The following CCHCR1 variants were observed in gnomAD, a reference collection of about 807,000 sequenced individuals.
The protein encoded by CCHCR1 is coiled-coil alpha-helical rod protein 1.
A neutral mutation model predicts 114.6 loss-of-function variants in CCHCR1; 91 were observed. The ratio of observed to expected loss-of-function variants is 0.79; its 90% CI spans 0.67 to 0.94. The LOEUF is 0.94. CCHCR1 is among the 40% of genes least tolerant of loss of function. The pLI is 0.00. For synonymous variants in CCHCR1, 379 were observed against 428.5 expected (o/e 0.88, Z 1.43); for missense variants, 899 against 1,079.9 (o/e 0.83, Z 2.35).
chr6:31,142,890 A>G, intron 17 of CCHCR1, 73 bp downstream of exon 17: 1 of 1,537,626 alleles, frequency 6.5e-7, no homozygotes, highest in Non-Finnish European at 8.9e-7. Flanking sequence ...AACACTCATC[A>G]TGCGAGAGTC....
In CCHCR1 at chr6:31,154,590, C is replaced by T. The variant is rs777322758; in HGVS notation, c.707G>A (p.Arg236His). 1.1e-5 allele frequency: 18 copies of T among 1,612,928 alleles called. No individual in the cohort carries two copies. The African/African-American group carries it at 1.7e-4, about 16-fold the overall frequency. The change falls in exon 4 of 18, where the codon CGT (arginine) becomes CAT (histidine). Residue 236 changes from arginine to histidine, a missense_variant. By Grantham distance (29) the Arg-to-His change is conservative. Transcript: ENST00000396268. This position sits in a 1 kb window ranked among gnomAD's most constrained non-coding sequence, Gnocchi z 4.1. ...KAGRAEAEGLRAALAGAEVVR... is the reference protein window; with the variant it reads ...KAGRAEAEGLHAALAGAEVVR... ...AACCTCAGCCCCAGCCAAAGCAGCA[C>T]GCAGGCCCTCAGCCTCAGCTCGGCC...
intron 3 of CCHCR1, 135 bp downstream of exon 3, chr6:31,156,596 A>G (rs1020649784): frequency 1.5e-6 from 1 of 677,340 alleles, no homozygotes; most frequent in African/African-American, 1.8e-5. Flanking sequence ...TTATTTATGC[A>G]CTGTAGGAAC....
In CCHCR1 at chr6:31,144,625, T is replaced by A; in HGVS notation, c.2167+62A>T. On this transcript the variant is annotated intron_variant, in intron 15 of 17. Transcript: ENST00000396268. The surrounding 1 kb of genome is among the most constrained non-coding windows in gnomAD (Gnocchi z 4.6). ...TGAACACACTTTGAGGGGAAAATAA[T>A]AACCTTATGTCTTAACACTTCCTTC... 2.8e-6 allele frequency: 3 copies of A among 1,056,450 alleles called. No individual in the cohort carries two copies. The South Asian group carries it at 4.4e-5, about 15-fold the overall frequency. 65.4% of individuals were successfully genotyped at this position (1,056,450 alleles called of 1,614,324 possible). A position where few individuals can be genotyped will look rare whatever the true frequency, so the allele number is the denominator to read the frequency against.
rs891897668 is a variant in CCHCR1, at chr6:31,150,803, A to G, written c.1023T>C (p.Tyr341=). ...CCTCAGAAGGCACTTGTTCCCCAAC[A>G]TATTTTCTTAGATTCTCAACCAGGG... The part of the protein sequence containing the change: ...QVTLVENLRK[Y]VGEQVPSEVH... Residue 341 remains tyrosine (Y), a synonymous_variant, in exon 6 of 18, where the codon TAT becomes TAC. Coordinates refer to ENST00000396268, the MANE Select transcript of CCHCR1 (RefSeq NM_001105564.2). The surrounding 1 kb of genome is among the most constrained non-coding windows in gnomAD (Gnocchi z 5.3). 4 of 1,612,896 alleles carry G rather than the reference A, an allele frequency of 2.5e-6. No individual in the cohort carries two copies. Among genetic ancestry groups the G allele is most frequent in the Middle Eastern group, 1.6e-4 (1 of 6,084 alleles).
chr6:31,148,537 G>A, intron 9 of CCHCR1, 26 bp from the exon 10 acceptor site: 1 of 1,601,438 alleles, frequency 6.2e-7, no homozygotes, highest in South Asian at 1.1e-5. Flanking sequence ...CAAAGGACAG[G>A]GTCCCTCCCT....
chr6:31,143,260 A>G lies in CCHCR1; in HGVS notation c.2319+2T>C. The G allele has an allele frequency of 6.2e-7, 1 of 1,612,564 alleles. No individual in the cohort carries two copies. The highest frequency in any genetic ancestry group is 8.5e-7 in the Non-Finnish European group (1 of 1,179,980). ...CTGCCTGTCTGCCCTCCTGTCTCCTACCAGCATGAGGTTCTTATCCCTCTC... is the reference window on the plus strand; with the variant it reads ...CTGCCTGTCTGCCCTCCTGTCTCCTGCCAGCATGAGGTTCTTATCCCTCTC... On this transcript the variant is annotated splice_donor_variant, in intron 16 of 17. Transcript: ENST00000396268. LOFTEE classifies it high-confidence loss of function. The surrounding 1 kb of genome is among the most constrained non-coding windows in gnomAD (Gnocchi z 5.3).
Position 31,148,523 on chromosome 6 carries a change from G to T in CCHCR1, c.1474-12C>A. The T allele has an allele frequency of 6.2e-7, 1 of 1,607,072 alleles. No individual in the cohort carries two copies. The highest frequency in any genetic ancestry group is 8.5e-7 in the Non-Finnish European group (1 of 1,174,766). On this transcript the variant is annotated splice_polypyrimidine_tract_variant and intron_variant, in intron 9 of 17. Transcript: ENST00000396268. ...TCCAACTGCAGGCCCTGGGGAGGAT[G>T]CAGCAAAGGACAGGGTCCCTCCCTA...
rs374842942 is a variant in CCHCR1, at chr6:31,143,429, G to C, written c.2168-16C>G. The C allele has an allele frequency of 6.2e-7, 1 of 1,611,774 alleles. No homozygotes were observed. The stretch of plus-strand genomic sequence containing the variant: ...AAGGAGACCACTACAGAGAGGCCAA[G>C]GCACAGAGGAGGCAGGTGTGAGTCA... On this transcript the variant is annotated splice_polypyrimidine_tract_variant and intron_variant, in intron 15 of 17. Coordinates refer to ENST00000396268, the MANE Select transcript of CCHCR1 (RefSeq NM_001105564.2). This position sits in a 1 kb window ranked among gnomAD's most constrained non-coding sequence, Gnocchi z 5.3.
chr6:31,148,379 T>G, intron 10 of CCHCR1, 26 bp downstream of exon 10: 1 of 1,388,592 alleles, frequency 7.2e-7, no homozygotes, highest in Non-Finnish European at 1.0e-6. Context: ...GAAACACTAC[T>G]CCACCCACCC....
Position 31,154,458 on chromosome 6 carries a change from C to T in CCHCR1, c.801+38G>A. On this transcript the variant is annotated intron_variant, in intron 4 of 17. Coordinates refer to ENST00000396268, the MANE Select transcript of CCHCR1 (RefSeq NM_001105564.2). This position sits in a 1 kb window ranked among gnomAD's most constrained non-coding sequence, Gnocchi z 4.1. ...TGCTTGGAAGCTACTGCCCAGCTCT[C>T]CGTTATGAATTTGAATCCTTTCTAC... The T allele has an allele frequency of 1.3e-6, 2 of 1,545,522 alleles. No individual in the cohort carries two copies. Among genetic ancestry groups the T allele is most frequent in the Non-Finnish European group, 1.8e-6 (2 of 1,124,754 alleles).
rs749746654 is a variant in CCHCR1, at chr6:31,150,248, C to A, written c.1213-33G>T. ...AGAAGGAGTGGGAGAAAAGTGTGGG[C>A]TCCTGGGGGAGGAGAGGAAGGAGGT... On this transcript the variant is annotated intron_variant, in intron 7 of 17. Coordinates refer to ENST00000396268, the MANE Select transcript of CCHCR1 (RefSeq NM_001105564.2). The surrounding 1 kb of genome is among the most constrained non-coding windows in gnomAD (Gnocchi z 5.3). 14 of 1,610,240 alleles carry A rather than the reference C, an allele frequency of 8.7e-6. No individual in the cohort carries two copies. The highest frequency in any genetic ancestry group is 1.1e-5 in the Non-Finnish European group (13 of 1,177,336).
intron 10 of CCHCR1, among the ~76,000 whole-genome samples, chr6:31,147,702 C>T (rs1202617898): frequency 1.3e-5 from 2 of 152,144 alleles, no homozygotes; most frequent in Non-Finnish European, 2.9e-5. Context: ...TGCAGTGGCT[C>T]ACACCTATAA....
chr6:31,152,479 C>CA (rs1775392297), intron 4 of CCHCR1, among the ~76,000 whole-genome samples: 1 of 140,914 alleles, frequency 7.1e-6, no homozygotes, highest in African/African-American at 2.6e-5. Context: ...GCTGAGATTA[C>CA]AGGCATGAGC....
Position 31,148,449 on chromosome 6 carries a change from G to A in CCHCR1, c.1536C>T (p.Ala512=). ...CAAGCCTCAGCTGCTCCTCGGCTGA[G>A]GCTGTCTGCTGCTGCCACCGACGCC... ...EARRRWQQQT[A]SAEEQLRLVV... is the part of the protein sequence containing the mutation. Residue 512 remains alanine (A), a synonymous_variant, in exon 10 of 18, where the codon GCC becomes GCT. Transcript: ENST00000396268. 1 of 1,612,748 alleles carries A rather than the reference G, an allele frequency of 6.2e-7. No homozygotes were observed. Among genetic ancestry groups the A allele is most frequent in the Non-Finnish European group, 8.5e-7 (1 of 1,179,776 alleles).
In CCHCR1 at chr6:31,154,609, C is replaced by T. The variant is rs764170820; in HGVS notation, c.688G>A (p.Ala230Thr). ...ALARAEKAGR[A>T]EAEGLRAALA... ...GCAGCACGCAGGCCCTCAGCCTCAG[C>T]TCGGCCGGCCTTCTCCGCCCGTGCC... The change falls in exon 4 of 18, where the codon GCT becomes ACT. Residue 230 changes from alanine to threonine, a missense_variant. Coordinates refer to ENST00000396268, the MANE Select transcript of CCHCR1 (RefSeq NM_001105564.2). This position sits in a 1 kb window ranked among gnomAD's most constrained non-coding sequence, Gnocchi z 4.1. 9.9e-6 allele frequency: 16 copies of T among 1,613,042 alleles called. No individual in the cohort carries two copies. The highest frequency in any genetic ancestry group is 1.4e-5 in the Non-Finnish European group (16 of 1,180,046).
At position 31,150,365 on chromosome 6, in the gene CCHCR1, C is replaced by T. The variant is rs1775032267; in HGVS notation, c.1212+90G>A. 7.4e-7 allele frequency: 1 copy of T among 1,346,864 alleles called. No homozygotes were observed. The highest frequency in any genetic ancestry group is 1.3e-5 in the South Asian group (1 of 79,140). The allele number at this position is 1,346,864 out of a possible 1,614,324, so 83.4% of individuals were successfully genotyped here. ...GGAGATCTAAGCAGGTTCTGGGGCA[C>T]ATTGACCCCTCCTGCCCACAGGGAG... On this transcript the variant is annotated intron_variant, in intron 7 of 17. Coordinates refer to ENST00000396268, the MANE Select transcript of CCHCR1 (RefSeq NM_001105564.2). The surrounding 1 kb of genome is among the most constrained non-coding windows in gnomAD (Gnocchi z 5.3).
intron 4 of CCHCR1, among the ~76,000 whole-genome samples, chr6:31,153,729 A>T (rs907266551): frequency 3.3e-5 from 5 of 152,212 alleles, no homozygotes; most frequent in Admixed American, 6.5e-5. Flanking sequence ...ACAGGTGCGC[A>T]CCACCACGCC....
chr6:31,152,310 G>A (rs550176064), intron 4 of CCHCR1, among the ~76,000 whole-genome samples: 1 of 150,038 alleles, frequency 6.7e-6, no homozygotes, highest in Admixed American at 6.6e-5. Flanking sequence ...ACCTTTCAAC[G>A]GTTGCTTATT....
rs1318921899 is a variant in CCHCR1 at position 31,156,753 on chromosome 6, G to A, written c.475C>T (p.Gln159Ter). Residue 159 changes from glutamine (Q) to a stop codon, truncating the protein, a stop_gained, in exon 3 of 18, where the codon CAG (glutamine) becomes TAG (stop). Transcript: ENST00000396268. LOFTEE classifies it high-confidence loss of function. ...MWERDVSSDR[Q>*]EPGRRGRSWG... ...TACCTGCCTCTCCGCCCTGGCTCCTGCCTGTCACTGGAAACATCCCGTTCC... is the reference window on the plus strand; with the variant it reads ...TACCTGCCTCTCCGCCCTGGCTCCTACCTGTCACTGGAAACATCCCGTTCC... 8 of 1,612,614 alleles carry A rather than the reference G, an allele frequency of 5.0e-6. No homozygotes were observed. The highest frequency in any genetic ancestry group is 6.8e-6 in the Non-Finnish European group (8 of 1,179,930).
Sources: allele counts gnomAD v4.1 joint callset (sites outside exome capture counted in the v4.1 genomes callset), GRCh38; gene constraint gnomAD v4.1.1; non-coding constraint Gnocchi (gnomAD v3.1); transcripts MANE v1.5; gene names NCBI Gene and HGNC (gene_info 2026-07-23, HGNC 2026-07-21).